IPPK: variants seen among roughly 807,000 people sequenced by gnomAD.
IPPK encodes the protein inositol-pentakisphosphate 2-kinase.
In IPPK, 22 loss-of-function variants were observed where a neutral mutation model predicts 64.6. That is an observed-to-expected ratio of 0.34 (90% confidence interval 0.24 to 0.49). IPPK has a LOEUF of 0.49. Ranked by LOEUF, IPPK falls within the 20% of genes least tolerant of loss-of-function variation. IPPK has a pLI of 0.99. For missense variants in IPPK, 532 were observed against 630.7 expected (o/e 0.84, Z 1.68); for synonymous variants, 262 against 247.2 (o/e 1.06, Z -0.56).
intron 3 of IPPK, among the ~76,000 whole-genome samples, chr9:92,654,369 T>C (rs1852329373): frequency 6.6e-6 from 1 of 151,996 alleles, no homozygotes; most frequent in African/African-American, 2.4e-5. Context: ...AAACTAAAAT[T>C]AGCTGGGTGC....
chr9:92,634,407 T>C lies in IPPK; in HGVS notation c.1149A>G (p.Thr383=), dbSNP rs1289413400. The C allele has an allele frequency of 6.2e-7, 1 of 1,614,038 alleles. No homozygotes were observed. Among genetic ancestry groups the C allele is most frequent in the Admixed American group, 1.7e-5 (1 of 60,028 alleles). ...CCACCTTCGTTAGCGCGAAGGCCAC[T>C]GTCCCGTCATCCTCAGTGGAAAGGT... is the stretch of plus-strand genomic sequence containing the variant. ...LLDLSTEDDG[T]VAFALTKVQQ... Residue 383 remains threonine (T), a synonymous_variant, in exon 11 of 13, where the codon ACA becomes ACG. Transcript: ENST00000287996.
chr9:92,642,965 A>AC (rs1461574189), intron 6 of IPPK, among the ~76,000 whole-genome samples, 155 bp from the exon 7 acceptor site: 1 of 152,244 alleles, frequency 6.6e-6, no homozygotes, highest in African/African-American at 2.4e-5. Flanking sequence ...GGTGCACATC[A>AC]CTAAGTGGCG....
intron 11 of IPPK, among the ~76,000 whole-genome samples, chr9:92,634,174 C>T (rs1851895346): frequency 6.6e-6 from 1 of 152,230 alleles, no homozygotes; most frequent in African/African-American, 2.4e-5. Flanking sequence ...CAGGGCAGAA[C>T]TCAACCAAGG....
chr9:92,665,969 A>C (rs560438423), intron 1 of IPPK, among the ~76,000 whole-genome samples: 1 of 152,290 alleles, frequency 6.6e-6, no homozygotes, highest in African/African-American at 2.4e-5. Flanking sequence ...AGGGACACCA[A>C]AACTCCCCAG....
chr9:92,652,220 T>C (rs1587639576), intron 4 of IPPK, among the ~76,000 whole-genome samples: 1 of 151,758 alleles, frequency 6.6e-6, no homozygotes, highest in East Asian at 2.0e-4. Context: ...GAGGCCGAGG[T>C]GGGTGGATCA....
chr9:92,619,723 G>A, intron 11 of IPPK, 158 bp from the exon 12 acceptor site: 2 of 674,500 alleles, frequency 3.0e-6, no homozygotes, highest in East Asian at 5.5e-5. Flanking sequence ...GGCGTCAGGA[G>A]GTCGCCCTGT....
chr9:92,623,865 C>T (rs555395708), intron 11 of IPPK, among the ~76,000 whole-genome samples: 137 of 152,280 alleles, frequency 9.0e-4, no homozygotes, highest in African/African-American at 3.0e-3. Flanking sequence ...GGGATATATC[C>T]AAGAGAAATG....
intron 11 of IPPK, among the ~76,000 whole-genome samples, chr9:92,633,749 GT>G (rs1410396713): frequency 1.3e-5 from 2 of 152,192 alleles, no homozygotes; most frequent in East Asian, 3.8e-4. Flanking sequence ...CGGAAAGTCT[GT>G]TTTTTTATTC....
At chr9:92,669,523 C>T (rs1015169821) in intron 1 of IPPK, among the ~76,000 whole-genome samples, 6 of 152,222 alleles carry the variant, frequency 3.9e-5, no homozygotes, top group Non-Finnish European at 5.9e-5. Context: ...CAAGCCTCCA[C>T]CCCACTGCGG....
Position 92,613,382 on chromosome 9 carries a change from T to C in IPPK, c.*2450A>G. The stretch of plus-strand genomic sequence containing the variant: ...ACAATGTGGTTTATAAAAATAAGCT[T>C]AACATCTGAGAAAATGTACCAAGTG... On this transcript the variant is annotated 3_prime_UTR_variant, in exon 13 of 13. Coordinates refer to ENST00000287996, the MANE Select transcript of IPPK (RefSeq NM_022755.6). 2.2e-6 allele frequency: 1 copy of C among 461,294 alleles called. No individual in the cohort carries two copies. The highest frequency in any genetic ancestry group is 3.9e-6 in the Non-Finnish European group (1 of 254,480). 28.6% of individuals were successfully genotyped at this position (461,294 alleles called of 1,614,324 possible).
chr9:92,666,310 C>T (rs1852594821), intron 1 of IPPK, among the ~76,000 whole-genome samples: 1 of 152,092 alleles, frequency 6.6e-6, no homozygotes, highest in Admixed American at 6.6e-5. Flanking sequence ...CCTAAAGTGA[C>T]CTTCATAGGA....
At chr9:92,645,207 A>G (rs1852127313) in intron 6 of IPPK, among the ~76,000 whole-genome samples, 2 of 152,056 alleles carry the variant, frequency 1.3e-5, no homozygotes, top group African/African-American at 4.8e-5. Context: ...CCTGGGCAAC[A>G]TGGTAAAACC....
intron 2 of IPPK, among the ~76,000 whole-genome samples, chr9:92,658,010 TCC>T (rs1349863144): frequency 2.0e-5 from 3 of 152,052 alleles, no homozygotes; most frequent in Non-Finnish European, 2.9e-5. Flanking sequence ...GCTGCATGTG[TCC>T]CCTCACAGGA....
At chr9:92,641,392 G>A (rs202217844) in intron 7 of IPPK, among the ~76,000 whole-genome samples, 1 of 63,368 alleles carries the variant, frequency 1.6e-5, no homozygotes, top group Non-Finnish European at 2.9e-5. Flanking sequence ...ATTCAGAAAG[G>A]CATCCAGTAT....
intron 1 of IPPK, among the ~76,000 whole-genome samples, chr9:92,667,481 T>A (rs1484896743): frequency 1.3e-5 from 2 of 152,220 alleles, no homozygotes; most frequent in Non-Finnish European, 2.9e-5. Flanking sequence ...GGTTACCACA[T>A]CAGGCACAGG....
chr9:92,634,374 G>A lies in IPPK; in HGVS notation c.1170+12C>T. On this transcript the variant is annotated intron_variant, in intron 11 of 12. Coordinates refer to ENST00000287996, the MANE Select transcript of IPPK (RefSeq NM_022755.6). ...AGGATCACACAGCAAGTTTTTGGAT[G>A]GGTCTGCCCACCTTCGTTAGCGCGA... 1 of 1,594,314 alleles carries A rather than the reference G, an allele frequency of 6.3e-7. No homozygotes were observed.
intron 6 of IPPK, among the ~76,000 whole-genome samples, chr9:92,643,665 A>T (rs190323523): frequency 2.0e-4 from 31 of 152,314 alleles, no homozygotes; most frequent in Non-Finnish European, 3.8e-4. Context: ...CCTAAAGAAT[A>T]TATCACAAAC....
At chr9:92,641,752 G>A (rs1308205078) in intron 7 of IPPK, among the ~76,000 whole-genome samples, 6 of 152,166 alleles carry the variant, frequency 3.9e-5, no homozygotes, top group African/African-American at 9.7e-5. Flanking sequence ...GACCAGGCAC[G>A]CACTCAGAGG....
At chr9:92,627,757 G>T (rs1340293318) in intron 11 of IPPK, among the ~76,000 whole-genome samples, 1 of 152,172 alleles carries the variant, frequency 6.6e-6, no homozygotes, top group East Asian at 1.9e-4. Flanking sequence ...GACGATGAAA[G>T]ACTGAACACT....
Sources: allele counts gnomAD v4.1 joint callset (sites outside exome capture counted in the v4.1 genomes callset), GRCh38; gene constraint gnomAD v4.1.1; transcripts MANE v1.5; gene names NCBI Gene and HGNC (gene_info 2026-07-23, HGNC 2026-07-21).